UST: variants seen among roughly 807,000 people sequenced by gnomAD.
The protein encoded by UST is chondroitin sulfate 2-O-sulfotransferase.
UST carries 21 observed loss-of-function variants against 45.6 expected under a neutral mutation model. The ratio of observed to expected loss-of-function variants is 0.46; its 90% confidence interval spans 0.33 to 0.66. UST has a LOEUF of 0.66. Ranked by LOEUF, UST falls within the 30% of genes least tolerant of loss-of-function variation. UST has a pLI of 0.02. For missense variants in UST, 463 were observed against 512.4 expected (o/e 0.90, Z 0.93); for synonymous variants, 215 against 200.6 (o/e 1.07, Z -0.61).
intron 2 of UST, among the ~76,000 whole-genome samples, chr6:148,909,131 C>A (rs1779426966): frequency 6.6e-6 from 1 of 152,076 alleles, no homozygotes; most frequent in African/African-American, 2.4e-5. Flanking sequence ...TAATATTTAT[C>A]TTGTAATTTT....
intron 5 of UST, among the ~76,000 whole-genome samples, chr6:149,003,968 C>T (rs1362622793): frequency 6.6e-5 from 10 of 152,134 alleles, no homozygotes; most frequent in African/African-American, 2.2e-4. Flanking sequence ...GCTGGAAATG[C>T]CTGATAATGA....
intron 1 of UST, 138 bp downstream of exon 1, chr6:148,747,815 A>C (rs1427646387): frequency 5.4e-5 from 63 of 1,166,516 alleles, no homozygotes; most frequent in Non-Finnish European, 6.8e-5. Context: ...TAAGCCCGTG[A>C]GCATCTGTGC....
In UST at chr6:148,906,346, G is replaced by A. The variant is rs185871065; in HGVS notation, c.291+19317G>A. Among the ~76,000 whole-genome samples the A allele has an allele frequency of 5.3e-5, 8 of 152,296 alleles. No individual in the cohort carries two copies. The East Asian group carries it at 1.3e-3, about 26-fold the overall frequency. ...GAGAAGTGTGCAGACTGTAGTTTAT[G>A]AGGATTTCAGGTTCTTTGATTTAGA... On this transcript the variant is annotated intron_variant, in intron 2 of 7. Coordinates refer to ENST00000367463, the MANE Select transcript of UST (RefSeq NM_005715.3).
intron 2 of UST, among the ~76,000 whole-genome samples, chr6:148,898,026 A>C (rs1779170154): frequency 2.0e-5 from 3 of 152,194 alleles, no homozygotes; most frequent in African/African-American, 7.2e-5. Context: ...AATCCTACAA[A>C]AGTACAAAAG....
chr6:148,865,385 A>G (rs1778405646), intron 1 of UST, among the ~76,000 whole-genome samples: 1 of 152,236 alleles, frequency 6.6e-6, no homozygotes, highest in African/African-American at 2.4e-5. Flanking sequence ...CTCCCCACAG[A>G]AATGAATCAA....
At chr6:149,060,090 CT>C (rs1266028193) in intron 7 of UST, among the ~76,000 whole-genome samples, 4 of 152,182 alleles carry the variant, frequency 2.6e-5, no homozygotes, top group African/African-American at 9.7e-5. Flanking sequence ...TCAAAGGAAC[CT>C]AGCGGTTTCT....
intron 7 of UST, among the ~76,000 whole-genome samples, chr6:149,027,010 T>C (rs1038597033): frequency 1.3e-5 from 2 of 152,176 alleles, no homozygotes; most frequent in African/African-American, 4.8e-5. Context: ...AGTGCTTTGT[T>C]TGGAATATTT....
intron 1 of UST, among the ~76,000 whole-genome samples, chr6:148,871,674 A>G (rs928101672): frequency 3.9e-5 from 6 of 152,236 alleles, no homozygotes; most frequent in African/African-American, 1.4e-4. Context: ...CACTTGGAGT[A>G]TTGCTTGTAG....
chr6:149,019,569 A>C (rs1005589573), intron 6 of UST, among the ~76,000 whole-genome samples: 1 of 152,160 alleles, frequency 6.6e-6, no homozygotes, highest in Non-Finnish European at 1.5e-5. Flanking sequence ...ACAAAATGTC[A>C]CATAAAATGT....
intron 3 of UST, among the ~76,000 whole-genome samples, chr6:148,944,370 G>C (rs747673565): frequency 4.6e-5 from 7 of 152,016 alleles, no homozygotes; most frequent in Non-Finnish European, 8.8e-5. Flanking sequence ...TCAAACTACT[G>C]ACTTACAAAT....
intron 1 of UST, among the ~76,000 whole-genome samples, chr6:148,850,610 T>G (rs905572612): frequency 1.3e-5 from 2 of 152,170 alleles, no homozygotes; most frequent in Admixed American, 6.6e-5. Flanking sequence ...GATGAATTAG[T>G]AAACAACACC....
chr6:148,975,626 C>A (rs1781001121), intron 5 of UST, among the ~76,000 whole-genome samples: 1 of 151,958 alleles, frequency 6.6e-6, no homozygotes, highest in South Asian at 2.1e-4. Context: ...ATCAAAGAGC[C>A]TCACAACTGC....
intron 7 of UST, chr6:149,066,271 A>C (rs1419660666): frequency 2.6e-5 from 4 of 152,234 alleles, no homozygotes; most frequent in Non-Finnish European, 5.9e-5. Context: ...TCAGTCACGT[A>C]CGTAAGCTGA....
At chr6:148,798,976 T>C (rs1167369336) in intron 1 of UST, among the ~76,000 whole-genome samples, 4 of 152,130 alleles carry the variant, frequency 2.6e-5, no homozygotes, top group Non-Finnish European at 5.9e-5. Context: ...TTCAAGCGAT[T>C]CTCCTGCGTT....
intron 1 of UST, among the ~76,000 whole-genome samples, chr6:148,869,984 C>T (rs1778517434): frequency 6.6e-6 from 1 of 152,146 alleles, no homozygotes; most frequent in South Asian, 2.1e-4. Flanking sequence ...ATGCACGTGA[C>T]CCATAACCCA....
rs370474305 is a variant in UST at position 148,918,205 on chromosome 6, G to C, written c.292-23074G>C. On this transcript the variant is annotated intron_variant, in intron 2 of 7. Coordinates refer to ENST00000367463, the MANE Select transcript of UST (RefSeq NM_005715.3). ...CCTGGAACTACTCCCAAATCAATTG[G>C]ACTTTGGTTTCTCATTCAGAATCTT... Among the ~76,000 whole-genome samples the C allele has an allele frequency of 2.8e-4, 42 of 152,320 alleles. No individual in the cohort carries two copies. The South Asian group carries it at 8.5e-3, about 31-fold the overall frequency.
intron 7 of UST, among the ~76,000 whole-genome samples, chr6:149,031,991 C>A (rs1325502336): frequency 6.6e-6 from 1 of 152,332 alleles, no homozygotes; most frequent in Middle Eastern, 3.4e-3. Context: ...TAGAAGCACT[C>A]AGAGTGAGGA....
At chr6:148,895,977 T>C (rs929651814) in intron 2 of UST, among the ~76,000 whole-genome samples, 8 of 152,254 alleles carry the variant, frequency 5.3e-5, no homozygotes, top group South Asian at 2.1e-4. Context: ...CCATGTTCTA[T>C]AGTAAAGAAA....
chr6:148,909,739 C>T (rs1779438047), intron 2 of UST, among the ~76,000 whole-genome samples: 1 of 152,182 alleles, frequency 6.6e-6, no homozygotes. Context: ...TAAGTGATTA[C>T]TTTGCTTTGC....
Sources: gnomAD v4.1 joint callset for allele counts (sites outside exome capture counted in the v4.1 genomes callset) on GRCh38, gnomAD v4.1.1 for gene constraint, MANE v1.5 for transcripts, NCBI Gene and HGNC (gene_info 2026-07-23, HGNC 2026-07-21) for gene names.